The following KREMEN1 variants were observed in gnomAD, a reference collection of about 807,000 sequenced individuals.
KREMEN1 encodes kremen protein 1.
KREMEN1 carries 30 observed loss-of-function variants against 46.5 expected under a neutral mutation model. The observed-to-expected ratio is 0.65, with a 90% CI of 0.48 to 0.88. The LOEUF (loss-of-function observed/expected upper bound fraction) is 0.88, where lower values mean the gene tolerates loss of function less well. Ranked by LOEUF, KREMEN1 falls within the 40% of genes least tolerant of loss-of-function variation. KREMEN1 has a pLI of 0.00. For missense variants in KREMEN1, 533 were observed against 596.9 expected, an observed-to-expected ratio of 0.89 and a Z score of 1.11; for synonymous variants, 214 against 230.6, an observed-to-expected ratio of 0.93 and a Z score of 0.65.
chr22:29,168,333 CA>C (rs60121498), downstream of KREMEN1: 8,192 of 79,246 alleles, frequency 0.1, 237 homozygotes, highest in Middle Eastern at 0.19. Flanking sequence ...GACCCTGTCT[CA>C]AAAAAAAAAA....
At chr22:29,107,070 A>G (rs963671727) in intron 3 of KREMEN1, among the ~76,000 whole-genome samples, 3 of 152,174 alleles carry the variant, frequency 2.0e-5, no homozygotes, top group Non-Finnish European at 4.4e-5. Context: ...CAGCGAGGAA[A>G]GGGCTCCCCT....
chr22:29,120,423 G>A (rs111699534), intron 3 of KREMEN1, among the ~76,000 whole-genome samples: 1 of 84,624 alleles, frequency 1.2e-5, no homozygotes, highest in Non-Finnish European at 2.3e-5. Flanking sequence ...AAGGAAACAG[G>A]GAGGAGGGAG....
At chr22:29,147,386 G>A (rs138840090), downstream of KREMEN1, among the ~76,000 whole-genome samples, 11 of 152,280 alleles carry the variant, frequency 7.2e-5, no homozygotes, top group East Asian at 2.1e-3. Context: ...TCTGCGCCAG[G>A]CACTCTGCTG....
At position 29,120,472 on chromosome 22, in the gene KREMEN1, T is replaced by G. The variant is rs368262279; in HGVS notation, c.353-885T>G. On this transcript the variant is annotated intron_variant, in intron 3 of 8. Coordinates refer to ENST00000400335, the MANE Select transcript of KREMEN1 (RefSeq NM_001039570.3). ...AACAGGGAGGAGGGAGACGTGATGA[T>G]GGAAACAGGGAGGAAGGAGAGGTGA... Among the ~76,000 whole-genome samples, 30 of 59,056 alleles carry G rather than the reference T, an allele frequency of 5.1e-4. 2 individuals are homozygous for G. Among genetic ancestry groups the G allele is most frequent in the African/African-American group, 7.6e-4 (8 of 10,512 alleles). The allele number at this position is 59,056 out of a possible 152,430, so 38.7% of individuals were successfully genotyped here.
At chr22:29,135,573 G>T (rs1019464729) in intron 5 of KREMEN1, among the ~76,000 whole-genome samples, 1 of 152,212 alleles carries the variant, frequency 6.6e-6, no homozygotes, top group Non-Finnish European at 1.5e-5. Flanking sequence ...CAGGGGGACT[G>T]TGGTCTGCTG....
intron 7 of KREMEN1, 42 bp downstream of exon 7, chr22:29,138,824 A>G (rs1242248522): frequency 6.2e-7 from 1 of 1,614,056 alleles, no homozygotes; most frequent in Non-Finnish European, 8.5e-7. Context: ...TGGAAGCCAC[A>G]GAGTTGAAGG....
intron 1 of KREMEN1, among the ~76,000 whole-genome samples, chr22:29,078,368 G>A (rs887561618): frequency 1.3e-5 from 2 of 152,058 alleles, no homozygotes; most frequent in African/African-American, 2.4e-5. Flanking sequence ...CTGGCCTATG[G>A]TTTGTTCAAC....
chr22:29,162,697 A>G (rs528504362), intron 9 of KREMEN1, among the ~76,000 whole-genome samples: 1 of 152,228 alleles, frequency 6.6e-6, no homozygotes, highest in Admixed American at 6.5e-5. Context: ...GGGCAACAAG[A>G]GCAAAACTCC....
At chr22:29,157,018 G>A (rs534358652) in intron 9 of KREMEN1, among the ~76,000 whole-genome samples, 33 of 152,320 alleles carry the variant, frequency 2.2e-4, no homozygotes, top group Middle Eastern at 6.8e-3. Context: ...CTGCTGGTAA[G>A]TGGGGGTAAA....
At chr22:29,091,214 C>A (rs1234289738) in intron 1 of KREMEN1, among the ~76,000 whole-genome samples, 1 of 152,184 alleles carries the variant, frequency 6.6e-6, no homozygotes, top group Non-Finnish European at 1.5e-5. Flanking sequence ...CTCAGGTGAT[C>A]CGCTCGCCTC....
chr22:29,094,521 C>T (rs1379103591), intron 2 of KREMEN1, 101 bp downstream of exon 2: 1 of 988,044 alleles, frequency 1.0e-6, no homozygotes, highest in Non-Finnish European at 1.5e-6. Flanking sequence ...AGTCTTTTGA[C>T]CAACTCAAGA....
chr22:29,144,142 G>A lies in KREMEN1; in HGVS notation c.*2030G>A, dbSNP rs16987153. 1.0e-6 allele frequency: 1 copy of A among 985,570 alleles called. No homozygotes were observed. The highest frequency in any genetic ancestry group is 1.2e-6 in the Non-Finnish European group (1 of 830,014). The allele number at this position is 985,570 out of a possible 1,614,324, so 61.1% of individuals were successfully genotyped here. On this transcript the variant is annotated 3_prime_UTR_variant, in exon 9 of 9. Coordinates refer to ENST00000400335, the MANE Select transcript of KREMEN1 (RefSeq NM_001039570.3). ...ACAAGGCACTTGGGCCTGGGTGATT[G>A]TTGCGCCTCTGGCTTTGGCGTTTCC...
At chr22:29,160,627 T>G (rs1455059029) in intron 9 of KREMEN1, among the ~76,000 whole-genome samples, 1 of 151,764 alleles carries the variant, frequency 6.6e-6, no homozygotes, top group Non-Finnish European at 1.5e-5. Context: ...CTGAATGATT[T>G]TGGGGGTAAA....
chr22:29,089,404 C>T (rs1302217368), intron 1 of KREMEN1, among the ~76,000 whole-genome samples: 1 of 152,108 alleles, frequency 6.6e-6, no homozygotes, highest in Admixed American at 6.6e-5. Flanking sequence ...ATACTTTTGC[C>T]ACTACCTTCA....
At chr22:29,123,424 C>G (rs2038390908) in intron 4 of KREMEN1, among the ~76,000 whole-genome samples, 1 of 149,310 alleles carries the variant, frequency 6.7e-6, no homozygotes, top group Admixed American at 6.7e-5. Flanking sequence ...AAGACCTGAA[C>G]AGAAGATATA....
intron 6 of KREMEN1, 67 bp downstream of exon 6, chr22:29,137,741 C>G (rs2038693578): frequency 3.8e-6 from 5 of 1,306,978 alleles, no homozygotes; most frequent in East Asian, 2.4e-5. Context: ...CTTCTTCACC[C>G]TTGTGACTTG....
In KREMEN1 at chr22:29,093,397, T is replaced by C. The variant is rs551838285; in HGVS notation, c.98-861T>C. Among the ~76,000 whole-genome samples the C allele has an allele frequency of 2.6e-5, 4 of 152,320 alleles. No individual in the cohort carries two copies. In the South Asian group the frequency reaches 8.3e-4, roughly 32 times the overall value. Reference sequence around the variant, plus strand: ...TTTCAACTAAGCTAATTTTAAAAAATTGTTCTTTGTACTGTGCCTGTCTCA... The same window carrying C: ...TTTCAACTAAGCTAATTTTAAAAAACTGTTCTTTGTACTGTGCCTGTCTCA... On this transcript the variant is annotated intron_variant, in intron 1 of 8. Transcript: ENST00000400335.
intron 1 of KREMEN1, among the ~76,000 whole-genome samples, chr22:29,092,054 T>C (rs772449587): frequency 3.9e-5 from 6 of 152,088 alleles, no homozygotes; most frequent in Non-Finnish European, 8.8e-5. Flanking sequence ...GAGTTTTGTT[T>C]TGAGTGCCAT....
intron 1 of KREMEN1, among the ~76,000 whole-genome samples, chr22:29,088,327 A>ACACACACACG (rs35603207): frequency 1.6e-3 from 237 of 150,520 alleles, no homozygotes; most frequent in Non-Finnish European, 6.5e-4. Context: ...ACACACACAC[A>ACACACACACG]CACGCACACA....
Sources: allele counts gnomAD v4.1 joint callset (sites outside exome capture counted in the v4.1 genomes callset), GRCh38; gene constraint gnomAD v4.1.1; transcripts MANE v1.5; gene names NCBI Gene and HGNC (gene_info 2026-07-23, HGNC 2026-07-21).